Variants in STK38L observed in about 807,000 individuals in gnomAD.
STK38L encodes the protein serine/threonine-protein kinase 38-like.
A neutral mutation model predicts 59.7 loss-of-function variants in STK38L; 28 were observed. The ratio of observed to expected loss-of-function variants is 0.47; its 90% CI spans 0.35 to 0.64. The LOEUF is 0.64. Ranked by LOEUF, STK38L falls within the 30% of genes least tolerant of loss-of-function variation. The probability of loss-of-function intolerance (pLI) is 0.01; values close to 1 mark genes in which losing one functional copy is unlikely to be tolerated. For synonymous variants in STK38L, 162 were observed against 176.8 expected, an observed-to-expected ratio of 0.92 and a Z score of 0.66; for missense variants, 314 against 555.8, an observed-to-expected ratio of 0.56 and a Z score of 4.37.
chr12:27,283,904 G>A (rs758299140), intron 1 of STK38L, among the ~76,000 whole-genome samples: 10 of 152,096 alleles, frequency 6.6e-5, no homozygotes, highest in Non-Finnish European at 1.2e-4. Flanking sequence ...ACTTTGGGGC[G>A]CACAGCTAAA....
At chr12:27,321,514 G>T (rs934771380) in intron 12 of STK38L, among the ~76,000 whole-genome samples, 3 of 152,072 alleles carry the variant, frequency 2.0e-5, no homozygotes, top group African/African-American at 4.8e-5. Context: ...AATCAATTAA[G>T]AAGGATCCTG....
rs1451762296 is a variant in STK38L, at chr12:27,322,888, T to C, written c.*433T>C. ...GATGTTTTACTGCAAATCTTATGGG[T>C]CTAGATAATCAGTAAAAGCCATCTT... On this transcript the variant is annotated 3_prime_UTR_variant, in exon 14 of 14. Coordinates refer to ENST00000389032, the MANE Select transcript of STK38L (RefSeq NM_015000.4). The C allele has an allele frequency of 6.5e-6, 1 of 153,432 alleles. No homozygotes were observed. Among genetic ancestry groups the C allele is most frequent in the Non-Finnish European group, 1.4e-5 (1 of 69,002 alleles). The allele number at this position is 153,432 out of a possible 1,614,324, so 9.5% of individuals were successfully genotyped here. A position where few individuals can be genotyped will look rare whatever the true frequency, so the allele number is the denominator to read the frequency against.
intron 1 of STK38L, among the ~76,000 whole-genome samples, chr12:27,247,818 T>TC (rs1360264157): frequency 1.2e-4 from 18 of 150,230 alleles, no homozygotes; most frequent in Non-Finnish European, 1.3e-4. Flanking sequence ...TCTGTAATTT[T>TC]TTTTTTTTTT....
intron 1 of STK38L, among the ~76,000 whole-genome samples, chr12:27,256,433 T>C (rs757076822): frequency 1.3e-5 from 2 of 152,212 alleles, no homozygotes; most frequent in Non-Finnish European, 2.9e-5. Context: ...GGAATGCCCT[T>C]TCCTATACTT....
At chr12:27,272,508 T>C (rs1046182372) in intron 1 of STK38L, among the ~76,000 whole-genome samples, 2 of 152,218 alleles carry the variant, frequency 1.3e-5, no homozygotes, top group African/African-American at 2.4e-5. Context: ...TAATAAAGGA[T>C]TGCAAATTAA....
chr12:27,244,892 A>G (rs978805111), intron 1 of STK38L, among the ~76,000 whole-genome samples: 15 of 152,226 alleles, frequency 9.9e-5, no homozygotes, highest in African/African-American at 3.6e-4. Context: ...TGTCTTTACC[A>G]TTGCACCCGT....
At chr12:27,300,912 T>A (rs944468104) in intron 2 of STK38L, among the ~76,000 whole-genome samples, 3 of 152,204 alleles carry the variant, frequency 2.0e-5, no homozygotes, top group African/African-American at 7.2e-5. Flanking sequence ...ATAAGAAATA[T>A]CAAAAAGTTG....
chr12:27,320,931 A>C (rs1048507081), intron 12 of STK38L, among the ~76,000 whole-genome samples: 1 of 152,070 alleles, frequency 6.6e-6, no homozygotes, highest in Non-Finnish European at 1.5e-5. Context: ...GCTGTATAAT[A>C]CTATACACAC....
rs150865712 is a variant in STK38L, at chr12:27,295,048, A to G, written c.-11-2662A>G. Among the ~76,000 whole-genome samples, 392 of 152,326 alleles carry G rather than the reference A, an allele frequency of 2.6e-3. 2 individuals are homozygous for G. Among genetic ancestry groups the G allele is most frequent in the African/African-American group, 7.4e-3 (307 of 41,578 alleles). On this transcript the variant is annotated intron_variant, in intron 1 of 13. Transcript: ENST00000389032. ...TCCTGAAACATAGAACATGAGCCCA[A>G]TGATTCTGAAATTTCCAAAAATGAT...
chr12:27,291,034 G>A (rs1327335025), intron 1 of STK38L, among the ~76,000 whole-genome samples: 3 of 152,066 alleles, frequency 2.0e-5, no homozygotes, highest in Non-Finnish European at 4.4e-5. Flanking sequence ...TAATCTATCC[G>A]AAGTGCAAAT....
rs1397718957 is a variant in STK38L at position 27,322,464 on chromosome 12, A to G, written c.*9A>G. The G allele has an allele frequency of 1.8e-5, 29 of 1,611,298 alleles. No individual in the cohort carries two copies. Among genetic ancestry groups the G allele is most frequent in the Non-Finnish European group, 2.4e-5 (28 of 1,179,170 alleles). On this transcript the variant is annotated 3_prime_UTR_variant, in exon 14 of 14. Transcript: ENST00000389032. ...AAGCTGGGAAGTTATGAATGAAGAT[A>G]ACATTCACCCATAACCAAGAGAACT...
intron 12 of STK38L, 144 bp from the exon 13 acceptor site, chr12:27,321,999 C>A: frequency 1.6e-6 from 1 of 639,608 alleles, no homozygotes; most frequent in Non-Finnish European, 2.6e-6. Context: ...TTTGAACTCC[C>A]TTTAACTAAT....
chr12:27,317,873 T>C (rs1291815140), intron 10 of STK38L, 23 bp from the exon 11 acceptor site: 9 of 1,611,242 alleles, frequency 5.6e-6, no homozygotes, highest in Non-Finnish European at 7.6e-6. Flanking sequence ...TGATGAAACA[T>C]TTTTGATTTA....
rs1420421056 is a variant in STK38L, at chr12:27,312,488, A to G, written c.394-61A>G. 3 of 1,565,838 alleles carry G rather than the reference A, an allele frequency of 1.9e-6. No homozygotes were observed. In the African/African-American group the frequency reaches 4.1e-5, roughly 21 times the overall value. On this transcript the variant is annotated intron_variant, in intron 5 of 13. Coordinates refer to ENST00000389032, the MANE Select transcript of STK38L (RefSeq NM_015000.4). ...TGTTATGGATGGATAAGTGTAAGAG[A>G]TGAGTTTAACAAATGTGTGATGTAT...
At chr12:27,278,259 G>C (rs1278302725) in intron 1 of STK38L, among the ~76,000 whole-genome samples, 1 of 152,180 alleles carries the variant, frequency 6.6e-6, no homozygotes, top group Non-Finnish European at 1.5e-5. Flanking sequence ...CTGAATAGCT[G>C]TCACTAAATT....
rs10553623 is a variant in STK38L, at chr12:27,306,714, AACACACAC to A, written c.187-1593_187-1586del. Among the ~76,000 whole-genome samples, 758 of 139,176 alleles carry A rather than the reference AACACACAC, an allele frequency of 5.4e-3. 8 individuals are homozygous for A. The highest frequency in any genetic ancestry group is 0.027 in the East Asian group (126 of 4,634). The allele number at this position is 139,176 out of a possible 152,430, so 91.3% of individuals were successfully genotyped here. ...GTGTTGGTATTTCAGGAATTTTATAAACACACACACACACACACACACACACACACACA... is the reference window on the plus strand; with the variant it reads ...GTGTTGGTATTTCAGGAATTTTATAAACACACACACACACACACACACACA... On this transcript the variant is annotated intron_variant, in intron 3 of 13. Transcript: ENST00000389032.
At chr12:27,270,111 C>G (rs1319964809) in intron 1 of STK38L, among the ~76,000 whole-genome samples, 1 of 152,186 alleles carries the variant, frequency 6.6e-6, no homozygotes, top group African/African-American at 2.4e-5. Context: ...ATTTCGAAGA[C>G]AAAACATTTT....
At chr12:27,260,924 T>C (rs1377940769) in intron 1 of STK38L, among the ~76,000 whole-genome samples, 1 of 152,220 alleles carries the variant, frequency 6.6e-6, no homozygotes, top group African/African-American at 2.4e-5. Context: ...CTTCTGTTGT[T>C]GAGAGCTTCC....
At chr12:27,318,974 G>C (rs768793879) in intron 11 of STK38L, among the ~76,000 whole-genome samples, 3 of 152,166 alleles carry the variant, frequency 2.0e-5, no homozygotes. Context: ...CTGTGTGACA[G>C]AGCGAGACTC....
Sources: gnomAD v4.1 joint callset for allele counts (sites outside exome capture counted in the v4.1 genomes callset) on GRCh38, gnomAD v4.1.1 for gene constraint, MANE v1.5 for transcripts, NCBI Gene and HGNC (gene_info 2026-07-23, HGNC 2026-07-21) for gene names.